Variants in MICAL3 observed in about 807,000 individuals in gnomAD.
MICAL3 encodes microtubule associated monooxygenase, calponin and LIM domain containing 3.
In MICAL3, 62 loss-of-function variants were observed where a neutral mutation model predicts 207.4. That is an observed-to-expected ratio of 0.30 (90% CI 0.24 to 0.37). The LOEUF (loss-of-function observed/expected upper bound fraction) is 0.37, where lower values mean the gene tolerates loss of function less well. Among genes scored for constraint, MICAL3 ranks in the 10% least tolerant of loss-of-function variants. MICAL3 has a pLI of 1.00. For missense variants in MICAL3, 2,368 were observed against 2,635.6 expected, an observed-to-expected ratio of 0.90 and a Z score of 2.22; for synonymous variants, 1,077 against 1,069.3, an observed-to-expected ratio of 1.01 and a Z score of -0.14.
intron 19 of MICAL3, among the ~76,000 whole-genome samples, chr22:17,843,540 G>C (rs1314740562): frequency 6.6e-6 from 1 of 152,176 alleles, no homozygotes; most frequent in African/African-American, 2.4e-5. Context: ...ATAGATAAAT[G>C]ATGGCACCAC....
At position 17,871,874 on chromosome 22, in the gene MICAL3, G is replaced by A. The variant is rs1378859359; in HGVS notation, c.2391C>T (p.Thr797=). Residue 797 remains threonine, a synonymous_variant, in exon 17 of 32, where the codon ACC becomes ACT. Coordinates refer to ENST00000441493, the MANE Select transcript of MICAL3 (RefSeq NM_015241.3). ...SCFKCEYCAT[T]LRLSAYAYDI... is the part of the protein sequence containing the mutation. Reference sequence around the variant, plus strand: ...CGTAGGCGTAGGCCGAGAGGCGCAGGGTGGTGGCGCAGTACTCGCACTTGA... The same window carrying A: ...CGTAGGCGTAGGCCGAGAGGCGCAGAGTGGTGGCGCAGTACTCGCACTTGA... 6.2e-7 allele frequency: 1 copy of A among 1,611,012 alleles called. No homozygotes were observed. Among genetic ancestry groups the A allele is most frequent in the Non-Finnish European group, 8.5e-7 (1 of 1,178,878 alleles).
rs148474880 is a variant in MICAL3, at chr22:17,951,991, C to T, written c.-74-45105G>A. Among the ~76,000 whole-genome samples, 622 of 152,250 alleles carry T rather than the reference C, an allele frequency of 4.1e-3. 3 individuals carry two copies. Among genetic ancestry groups the T allele is most frequent in the African/African-American group, 0.014 (579 of 41,552 alleles). On this transcript the variant is annotated intron_variant, in intron 1 of 31. Coordinates refer to ENST00000441493, the MANE Select transcript of MICAL3 (RefSeq NM_015241.3). Reference sequence around the variant, plus strand: ...GGATTACAGGCGTGAGCGACTGTGCCGGGCGTAAAATTTCTTAAAAGTGCC... The same window carrying T: ...GGATTACAGGCGTGAGCGACTGTGCTGGGCGTAAAATTTCTTAAAAGTGCC...
intron 2 of MICAL3, among the ~76,000 whole-genome samples, chr22:17,905,474 G>A (rs1188743311): frequency 1.3e-5 from 2 of 152,282 alleles, no homozygotes; most frequent in East Asian, 1.9e-4. Flanking sequence ...CTGTGTGTGC[G>A]GAAGGAAAAC....
chr22:17,905,611 G>A (rs1347077685), intron 2 of MICAL3, among the ~76,000 whole-genome samples: 1 of 152,210 alleles, frequency 6.6e-6, no homozygotes, highest in Non-Finnish European at 1.5e-5. Flanking sequence ...ATCCACTGGG[G>A]GTGGGGCTCT....
At chr22:17,864,582 C>T (rs1926857550) in intron 19 of MICAL3, 1 of 1,479,266 alleles carries the variant, frequency 6.8e-7, no homozygotes, top group African/African-American at 1.4e-5. Flanking sequence ...CTGGGCCGCC[C>T]TCAGGTGTGA....
rs750330101 is a variant in MICAL3, at chr22:17,902,445, G to A, written c.589+186C>T. Among the ~76,000 whole-genome samples the A allele has an allele frequency of 5.3e-5, 8 of 152,168 alleles. No individual in the cohort carries two copies. The highest frequency in any genetic ancestry group is 2.1e-4 in the South Asian group (1 of 4,818). On this transcript the variant is annotated intron_variant, in intron 4 of 31. Transcript: ENST00000441493. The surrounding 1 kb of genome is among the most constrained non-coding windows in gnomAD (Gnocchi z 4.5). ...GAAAGAAGCCTTGCAGAGGGCTCAC[G>A]GGGCCCTTCCCACCACATGTGCGCC...
At chr22:17,974,234 GCC>G (rs1935536957) in intron 1 of MICAL3, among the ~76,000 whole-genome samples, 1 of 152,188 alleles carries the variant, frequency 6.6e-6, no homozygotes. Context: ...TCTGCCCTGG[GCC>G]TGGCCCTCAA....
At chr22:17,863,889 T>C (rs951264047) in intron 19 of MICAL3, 4 of 985,346 alleles carry the variant, frequency 4.1e-6, no homozygotes, top group Non-Finnish European at 4.8e-6. Context: ...TGACCATCTT[T>C]AATTTTTATG....
At chr22:18,018,194 A>G (rs1924195888) in intron 1 of MICAL3, among the ~76,000 whole-genome samples, 1 of 152,196 alleles carries the variant, frequency 6.6e-6, no homozygotes, top group Admixed American at 6.5e-5. Flanking sequence ...TTAAATTTAA[A>G]TGAACACAGT....
intron 1 of MICAL3, among the ~76,000 whole-genome samples, chr22:18,004,003 T>A (rs141112438): frequency 3.3e-5 from 5 of 152,268 alleles, no homozygotes; most frequent in Non-Finnish European, 7.4e-5. Flanking sequence ...CTCCTGACCC[T>A]GTGATGTGCC....
At chr22:17,967,373 A>C (rs1182603538) in intron 1 of MICAL3, among the ~76,000 whole-genome samples, 1 of 152,068 alleles carries the variant, frequency 6.6e-6, no homozygotes, top group African/African-American at 2.4e-5. Context: ...AAAGTAGAAC[A>C]CATATATTTA....
At chr22:17,815,475 G>C (rs188739789) in intron 27 of MICAL3, 77 of 152,424 alleles carry the variant, frequency 5.1e-4, no homozygotes, top group African/African-American at 1.8e-3. Flanking sequence ...ATTGGGATGT[G>C]TTTAGGGACC....
intron 16 of MICAL3, among the ~76,000 whole-genome samples, chr22:17,878,293 G>A (rs1484616072): frequency 6.6e-6 from 1 of 152,246 alleles, no homozygotes; most frequent in African/African-American, 2.4e-5. Flanking sequence ...AGCCTGGGAA[G>A]AAGAGAGAAA....
At chr22:17,852,654 G>A (rs920978702) in intron 19 of MICAL3, among the ~76,000 whole-genome samples, 6 of 152,216 alleles carry the variant, frequency 3.9e-5, no homozygotes, top group African/African-American at 1.4e-4. Flanking sequence ...GGCCACCTGA[G>A]GCTCCTGGGT....
chr22:17,850,399 A>ATTTT (rs1925180634), intron 19 of MICAL3, among the ~76,000 whole-genome samples: 6 of 66,718 alleles, frequency 9.0e-5, no homozygotes, highest in East Asian at 4.9e-4. Context: ...CTTTTGAATT[A>ATTTT]GTTTTTTTTT....
At chr22:17,936,621 A>G (rs1933544645) in intron 1 of MICAL3, among the ~76,000 whole-genome samples, 1 of 152,122 alleles carries the variant, frequency 6.6e-6, no homozygotes, top group Non-Finnish European at 1.5e-5. Flanking sequence ...AAGAGTTTAT[A>G]TCTTGATTAT....
In MICAL3 at chr22:17,998,381, T is replaced by C. The variant is rs181297789; in HGVS notation, c.-75+25900A>G. 7.7e-3 allele frequency among the ~76,000 whole-genome samples: 788 copies of C among 102,192 alleles called. 11 individuals carry two copies. The highest frequency in any genetic ancestry group is 0.024 in the African/African-American group (564 of 23,388). The allele number at this position is 102,192 out of a possible 152,430, so 67.0% of individuals were successfully genotyped here. On this transcript the variant is annotated intron_variant, in intron 1 of 31. Coordinates refer to ENST00000441493, the MANE Select transcript of MICAL3 (RefSeq NM_015241.3). The stretch of plus-strand genomic sequence containing the variant: ...CTCATTTGCAACTTAAAGCAAATCA[T>C]GTTACCTCCATTTCTTTGCCTATAA...
At chr22:17,887,504 C>G in intron 13 of MICAL3, 69 bp from the exon 14 acceptor site, 1 of 986,998 alleles carries the variant, frequency 1.0e-6, no homozygotes. Context: ...ACCAAAACTA[C>G]TCTCCCTCGT....
rs1229432268 is a variant in MICAL3 at position 17,842,005 on chromosome 22, T to A, written c.2618A>T (p.Asn873Ile). 2 of 1,602,412 alleles carry A rather than the reference T, an allele frequency of 1.2e-6. No homozygotes were observed. Among genetic ancestry groups the A allele is most frequent in the South Asian group, 1.1e-5 (1 of 90,846 alleles). ...STERTPGSGV[N>I]GLEEPSIAKR... The stretch of plus-strand genomic sequence containing the variant: ...GGCGATGCTGGGCTCCTCCAGGCCG[T>A]TCACGCCTGAACCTGCGGGACAAGC... Residue 873 changes from asparagine (N) to isoleucine (I), a missense_variant, in exon 20 of 32, where the codon AAC becomes ATC. By Grantham distance (149) the Asn-to-Ile change is moderately radical. This residue lies in a region of MICAL3 where 1,770 missense variants were observed against 1,863.2 expected (regional missense o/e 0.95). Transcript: ENST00000441493.
Sources: allele counts gnomAD v4.1 joint callset (sites outside exome capture counted in the v4.1 genomes callset), GRCh38; gene constraint gnomAD v4.1.1; regional missense constraint gnomAD v4.1.1; non-coding constraint Gnocchi (gnomAD v3.1); transcripts MANE v1.5; gene names NCBI Gene and HGNC (gene_info 2026-07-23, HGNC 2026-07-21).